Variants in CMSS1 observed in about 807,000 individuals in gnomAD.
CMSS1 encodes protein CMSS1.
CMSS1 carries 33 observed loss-of-function variants against 43.5 expected under a neutral mutation model. That is an observed-to-expected ratio of 0.76 (90% CI 0.57 to 1.01). CMSS1 has a LOEUF of 1.01. CMSS1 is among the 50% of genes least tolerant of loss of function. The probability of loss-of-function intolerance (pLI) is 0.00; values close to 1 mark genes in which losing one functional copy is unlikely to be tolerated. For synonymous variants in CMSS1, 115 were observed against 117.2 expected, an observed-to-expected ratio of 0.98 and a Z score of 0.12; for missense variants, 313 against 326.4, an observed-to-expected ratio of 0.96 and a Z score of 0.32.
chr3:100,118,202 C>G (rs114589658), intron 1 of CMSS1, among the ~76,000 whole-genome samples: 76 of 151,682 alleles, frequency 5.0e-4, no homozygotes, highest in African/African-American at 1.7e-3. Flanking sequence ...CTTTATTTCA[C>G]TGAGTTGCAC....
intron 1 of CMSS1, among the ~76,000 whole-genome samples, chr3:99,929,383 A>G (rs978674468): frequency 1.3e-5 from 2 of 152,232 alleles, no homozygotes; most frequent in East Asian, 1.9e-4. Flanking sequence ...TTTCTTGGAC[A>G]GTTCTTTAGA....
intron 4 of CMSS1, 86 bp downstream of exon 4, chr3:100,162,518 A>G: frequency 7.0e-7 from 1 of 1,430,200 alleles, no homozygotes; most frequent in South Asian, 1.3e-5. Flanking sequence ...GTCAATTAAC[A>G]CATTTTCCAG....
intron 1 of CMSS1, among the ~76,000 whole-genome samples, chr3:100,139,026 A>G (rs1431645946): frequency 6.6e-6 from 1 of 152,218 alleles, no homozygotes; most frequent in Non-Finnish European, 1.5e-5. Context: ...AATGAATGAG[A>G]TCATGTCCAT....
At chr3:99,876,248 G>C (rs927499223) in intron 1 of CMSS1, 29 of 984,242 alleles carry the variant, frequency 2.9e-5, no homozygotes, top group Non-Finnish European at 3.5e-5. Flanking sequence ...CCGCGTGTGC[G>C]GCGCTGTCGG....
rs553912978 is a variant in CMSS1, at chr3:99,996,598, G to GA, written c.65-150370dup. Among the ~76,000 whole-genome samples, 707 of 152,264 alleles carry GA rather than the reference G, an allele frequency of 4.6e-3. 2 individuals carry two copies. Among genetic ancestry groups the GA allele is most frequent in the South Asian group, 7.1e-3 (34 of 4,820 alleles). On this transcript the variant is annotated intron_variant, in intron 1 of 9. Coordinates refer to ENST00000421999, the MANE Select transcript of CMSS1 (RefSeq NM_032359.4). ...ATAAAGACATACCCAAGACTGGGAA[G>GA]AAAAAGAGGTTTAATTGGACTTACA...
intron 1 of CMSS1, among the ~76,000 whole-genome samples, chr3:100,018,633 A>G (rs559249004): frequency 2.0e-5 from 3 of 152,200 alleles, no homozygotes; most frequent in Admixed American, 2.0e-4. Flanking sequence ...GCTTCTTGAC[A>G]TGAGTCTGGG....
At chr3:99,891,921 C>T (rs1334157112) in intron 1 of CMSS1, among the ~76,000 whole-genome samples, 1 of 152,072 alleles carries the variant, frequency 6.6e-6, no homozygotes, top group Non-Finnish European at 1.5e-5. Context: ...AAGAATCAGT[C>T]GGCTATCTAG....
At chr3:100,030,657 A>G (rs1245310744) in intron 1 of CMSS1, among the ~76,000 whole-genome samples, 1 of 152,134 alleles carries the variant, frequency 6.6e-6, no homozygotes, top group African/African-American at 2.4e-5. Flanking sequence ...TGTCCCCACA[A>G]CTAATTTAAC....
At chr3:100,148,157 C>A (rs1463058224) in intron 2 of CMSS1, among the ~76,000 whole-genome samples, 1 of 152,170 alleles carries the variant, frequency 6.6e-6, no homozygotes, top group African/African-American at 2.4e-5. Flanking sequence ...TGGCTTACTG[C>A]AGGCTCAACC....
intron 1 of CMSS1, among the ~76,000 whole-genome samples, chr3:99,826,501 T>C (rs1385466826): frequency 1.3e-5 from 2 of 152,242 alleles, no homozygotes; most frequent in Non-Finnish European, 2.9e-5. Context: ...TTGAATTTTA[T>C]GTAATTTTCA....
At chr3:100,008,492 C>G (rs548755149) in intron 1 of CMSS1, among the ~76,000 whole-genome samples, 3 of 152,104 alleles carry the variant, frequency 2.0e-5, no homozygotes, top group South Asian at 2.1e-4. Flanking sequence ...TCCAGGACTT[C>G]TAGAGATTAG....
chr3:99,942,042 G>GT, intron 1 of CMSS1, among the ~76,000 whole-genome samples: 1 of 152,118 alleles, frequency 6.6e-6, no homozygotes, highest in South Asian at 2.1e-4. Flanking sequence ...CGGTGAAACT[G>GT]TATCTCTACT....
At position 100,100,020 on chromosome 3, in the gene CMSS1, T is replaced by G. The variant is rs78902125; in HGVS notation, c.65-46953T>G. Among the ~76,000 whole-genome samples, 652 of 152,256 alleles carry G rather than the reference T, an allele frequency of 4.3e-3. 4 individuals carry two copies. Among genetic ancestry groups the G allele is most frequent in the Non-Finnish European group, 6.5e-3 (441 of 68,024 alleles). ...AAAAAGTTTGACACAGTTGTCAAAG[T>G]CCTTATTAAAGAAAGTGCAATGATG... On this transcript the variant is annotated intron_variant, in intron 1 of 9. Transcript: ENST00000421999.
intron 1 of CMSS1, among the ~76,000 whole-genome samples, chr3:100,016,643 G>C (rs576184468): frequency 6.6e-6 from 1 of 152,288 alleles, no homozygotes; most frequent in South Asian, 2.1e-4. Context: ...ATATAAAATA[G>C]GAGTACACTA....
In CMSS1 at chr3:99,871,118, T is replaced by C. The variant is rs1329350376; in HGVS notation, c.64+53075T>C. Among the ~76,000 whole-genome samples the C allele has an allele frequency of 2.6e-5, 4 of 152,214 alleles. No homozygotes were observed. The East Asian group carries it at 5.8e-4, about 22-fold the overall frequency. The stretch of plus-strand genomic sequence containing the variant: ...CATACACTGCCATACAAAGCAGATT[T>C]CACTGCCTTGACTTAAGCTGAGCCT... On this transcript the variant is annotated intron_variant, in intron 1 of 9. Transcript: ENST00000421999.
Position 100,069,834 on chromosome 3 carries a change from C to T in CMSS1, c.65-77139C>T, listed in dbSNP as rs539657651. Among the ~76,000 whole-genome samples the T allele has an allele frequency of 8.7e-4, 133 of 152,098 alleles. 1 individual carries two copies. The highest frequency in any genetic ancestry group is 3.0e-3 in the African/African-American group (123 of 41,500). On this transcript the variant is annotated intron_variant, in intron 1 of 9. Transcript: ENST00000421999. ...GGCATAAGCAGAAATATTTGCCCTA[C>T]GAGAGGGAGCTGATATCTACCCTGG...
intron 1 of CMSS1, among the ~76,000 whole-genome samples, chr3:99,963,492 C>A: frequency 6.6e-6 from 1 of 152,022 alleles, no homozygotes; most frequent in South Asian, 2.1e-4. Flanking sequence ...GGAGCAACTG[C>A]TTGAAAGTAT....
At chr3:100,021,286 C>T (rs1416754300) in intron 1 of CMSS1, among the ~76,000 whole-genome samples, 3 of 152,160 alleles carry the variant, frequency 2.0e-5, no homozygotes, top group Admixed American at 6.5e-5. Flanking sequence ...TAAGTTCATT[C>T]TTCTTTGGAG....
In CMSS1 at chr3:100,008,058, G is replaced by C. The variant is rs531744862; in HGVS notation, c.65-138915G>C. On this transcript the variant is annotated intron_variant, in intron 1 of 9. Coordinates refer to ENST00000421999, the MANE Select transcript of CMSS1 (RefSeq NM_032359.4). ...TACACAAAGTGTTTCCCTCCTCCAA[G>C]TTGACATAACATTTTCCACCTTCCT... 5.3e-5 allele frequency among the ~76,000 whole-genome samples: 8 copies of C among 152,264 alleles called. No homozygotes were observed. The East Asian group carries it at 1.5e-3, about 29-fold the overall frequency.
Sources: gnomAD v4.1 joint callset for allele counts (sites outside exome capture counted in the v4.1 genomes callset) on GRCh38, gnomAD v4.1.1 for gene constraint, MANE v1.5 for transcripts, NCBI Gene and HGNC (gene_info 2026-07-23, HGNC 2026-07-21) for gene names.